The following CAMKMT variants were observed in gnomAD, a reference collection of about 807,000 sequenced individuals.
CAMKMT encodes the protein calmodulin-lysine N-methyltransferase.
A neutral mutation model predicts 48.0 loss-of-function variants in CAMKMT; 53 were observed. The ratio of observed to expected loss-of-function variants is 1.10; its 90% CI spans 0.89 to 1.39. CAMKMT has a LOEUF of 1.39. CAMKMT is among the 40% of genes most tolerant of loss of function. The probability of loss-of-function intolerance (pLI) is 0.00; values close to 1 mark genes in which losing one functional copy is unlikely to be tolerated. For synonymous variants in CAMKMT, 165 were observed against 152.3 expected (o/e 1.08, Z -0.61); for missense variants, 428 against 402.7 (o/e 1.06, Z -0.54).
At chr2:44,481,801 T>C (rs1327440350) in intron 3 of CAMKMT, among the ~76,000 whole-genome samples, 1 of 152,074 alleles carries the variant, frequency 6.6e-6, no homozygotes, top group Non-Finnish European at 1.5e-5. Flanking sequence ...ATTGAATGTA[T>C]GCTGGTTTAA....
At chr2:44,767,853 A>G (rs1271123388) in intron 10 of CAMKMT, among the ~76,000 whole-genome samples, 3 of 152,202 alleles carry the variant, frequency 2.0e-5, no homozygotes, top group African/African-American at 4.8e-5. Flanking sequence ...TGGAACTACA[A>G]GGATCAGCTG....
rs763572470 is a variant in CAMKMT, at chr2:44,520,931, A to T, written c.376+130626A>T. 2.6e-5 allele frequency among the ~76,000 whole-genome samples: 4 copies of T among 152,258 alleles called. No homozygotes were observed. The South Asian group carries it at 6.2e-4, about 24-fold the overall frequency. ...AAGAGGTGGCTTCTGTCATGACTGT[A>T]AGTTTCCTGAGGTTTCCCCAGCCAT... is the stretch of plus-strand genomic sequence containing the variant. On this transcript the variant is annotated intron_variant, in intron 3 of 10. Coordinates refer to ENST00000378494, the MANE Select transcript of CAMKMT (RefSeq NM_024766.5).
chr2:44,539,165 C>A (rs1666951124), intron 3 of CAMKMT, among the ~76,000 whole-genome samples: 1 of 151,292 alleles, frequency 6.6e-6, no homozygotes, highest in African/African-American at 2.4e-5. Flanking sequence ...CTTAGCCTGG[C>A]ATGGTGGCGG....
At chr2:44,591,517 T>C (rs983925683) in intron 3 of CAMKMT, among the ~76,000 whole-genome samples, 3 of 152,176 alleles carry the variant, frequency 2.0e-5, no homozygotes, top group Non-Finnish European at 1.5e-5. Context: ...TTTGAAGCAA[T>C]TGTGAATGGG....
At chr2:44,541,848 G>A (rs1011499141) in intron 3 of CAMKMT, among the ~76,000 whole-genome samples, 14 of 151,724 alleles carry the variant, frequency 9.2e-5, no homozygotes, top group African/African-American at 4.8e-5. Context: ...CAGCCATATC[G>A]GCCGGGCACG....
intron 3 of CAMKMT, among the ~76,000 whole-genome samples, chr2:44,660,681 A>G (rs976674071): frequency 6.6e-6 from 1 of 152,094 alleles, no homozygotes; most frequent in Middle Eastern, 3.2e-3. Context: ...CAGTGGCACA[A>G]TCATGGCTCA....
chr2:44,594,892 A>G (rs527545951), intron 3 of CAMKMT, among the ~76,000 whole-genome samples: 27 of 152,336 alleles, frequency 1.8e-4, no homozygotes, highest in African/African-American at 6.5e-4. Flanking sequence ...AAAATGGGAG[A>G]AAACTTTTGC....
intron 7 of CAMKMT, among the ~76,000 whole-genome samples, chr2:44,741,185 T>C (rs552571391): frequency 3.9e-5 from 6 of 152,342 alleles, no homozygotes; most frequent in African/African-American, 1.4e-4. Context: ...TTTACAAAAG[T>C]ATTGGTCTGC....
At chr2:44,423,713 C>T (rs1305066919) in intron 3 of CAMKMT, among the ~76,000 whole-genome samples, 1 of 152,160 alleles carries the variant, frequency 6.6e-6, no homozygotes, top group East Asian at 1.9e-4. Context: ...ATTTGGGACA[C>T]AGTAATGGCT....
intron 3 of CAMKMT, among the ~76,000 whole-genome samples, chr2:44,650,029 T>G (rs1558770446): frequency 6.6e-6 from 1 of 152,204 alleles, no homozygotes. Context: ...TTGGTCTTAT[T>G]TTTATAGTTG....
At chr2:44,418,984 T>C (rs1041568736) in intron 3 of CAMKMT, among the ~76,000 whole-genome samples, 3 of 152,222 alleles carry the variant, frequency 2.0e-5, no homozygotes, top group Admixed American at 1.3e-4. Context: ...TCCTAAATAT[T>C]GCATTTTAAA....
At chr2:44,510,540 A>G (rs185648982) in intron 3 of CAMKMT, among the ~76,000 whole-genome samples, 1 of 152,176 alleles carries the variant, frequency 6.6e-6, no homozygotes, top group Non-Finnish European at 1.5e-5. Context: ...TTTGTAATTA[A>G]TATTAATAAA....
chr2:44,750,609 A>T (rs1475428042), intron 8 of CAMKMT, among the ~76,000 whole-genome samples: 1 of 152,240 alleles, frequency 6.6e-6, no homozygotes, highest in African/African-American at 2.4e-5. Context: ...CAAGCCATAC[A>T]CTATCACTAT....
At chr2:44,535,240 G>A (rs542164550) in intron 3 of CAMKMT, among the ~76,000 whole-genome samples, 1 of 152,210 alleles carries the variant, frequency 6.6e-6, no homozygotes, top group African/African-American at 2.4e-5. Flanking sequence ...TAATGAGATT[G>A]AATCAGTAAT....
intron 3 of CAMKMT, among the ~76,000 whole-genome samples, chr2:44,636,279 T>C (rs901242151): frequency 6.6e-6 from 1 of 152,164 alleles, no homozygotes; most frequent in African/African-American, 2.4e-5. Flanking sequence ...AGATGCCAGG[T>C]TGTTTAGAAG....
At chr2:44,631,385 C>G in intron 3 of CAMKMT, 2 of 429,322 alleles carry the variant, frequency 4.7e-6, no homozygotes, top group Non-Finnish European at 8.0e-6. Flanking sequence ...TACCCTAAAA[C>G]TTAAAGTATA....
intron 3 of CAMKMT, among the ~76,000 whole-genome samples, chr2:44,420,567 A>G (rs944179339): frequency 6.6e-6 from 1 of 151,502 alleles, no homozygotes; most frequent in Non-Finnish European, 1.5e-5. Flanking sequence ...AGAGTCAACT[A>G]TATATATATA....
chr2:44,752,101 C>T (rs114497941), intron 8 of CAMKMT, among the ~76,000 whole-genome samples: 4 of 152,172 alleles, frequency 2.6e-5, no homozygotes, highest in African/African-American at 9.6e-5. Context: ...AACAGTATCA[C>T]TGCTTTTCGG....
intron 3 of CAMKMT, among the ~76,000 whole-genome samples, chr2:44,397,795 G>A (rs966403816): frequency 1.3e-5 from 2 of 152,180 alleles, no homozygotes; most frequent in Non-Finnish European, 2.9e-5. Context: ...GAATTGGAAT[G>A]ATTCTTTGAC....
Sources: allele counts gnomAD v4.1 joint callset (sites outside exome capture counted in the v4.1 genomes callset), GRCh38; gene constraint gnomAD v4.1.1; transcripts MANE v1.5; gene names NCBI Gene and HGNC (gene_info 2026-07-23, HGNC 2026-07-21).